The following N4BP1 variants were observed in gnomAD, a reference collection of about 807,000 sequenced individuals.
N4BP1 encodes the protein NEDD4 binding protein 1, also known as NEDD4-binding protein 1.
In N4BP1, 21 loss-of-function variants were observed where a neutral mutation model predicts 70.9. That is an observed-to-expected ratio of 0.30 (90% CI 0.21 to 0.43). N4BP1 has a LOEUF of 0.43. N4BP1 is among the 20% of genes least tolerant of loss of function. The probability of loss-of-function intolerance (pLI) is 1.00; values close to 1 mark genes in which losing one functional copy is unlikely to be tolerated. For synonymous variants in N4BP1, 387 were observed against 394.6 expected (o/e 0.98, Z 0.23); for missense variants, 936 against 1,069.4 (o/e 0.88, Z 1.74).
At chr16:48,599,585 C>T (rs1159871625) in intron 1 of N4BP1, among the ~76,000 whole-genome samples, 1 of 152,130 alleles carries the variant, frequency 6.6e-6, no homozygotes, top group East Asian at 1.9e-4. Flanking sequence ...CAGCTGGTTC[C>T]CTCACAAATG....
At chr16:48,572,428 G>A (rs951966765) in intron 1 of N4BP1, among the ~76,000 whole-genome samples, 1 of 152,142 alleles carries the variant, frequency 6.6e-6, no homozygotes, top group Non-Finnish European at 1.5e-5. Context: ...GATGATGGGG[G>A]AGGGGGGACA....
At chr16:48,557,553 A>G (rs1167072702) in intron 2 of N4BP1, among the ~76,000 whole-genome samples, 2 of 152,168 alleles carry the variant, frequency 1.3e-5, no homozygotes, top group East Asian at 1.9e-4. Context: ...AAAATCTCAA[A>G]TATTTGTTGC....
intron 3 of N4BP1, among the ~76,000 whole-genome samples, chr16:48,552,291 G>T (rs1272967143): frequency 4.6e-5 from 7 of 152,098 alleles, no homozygotes; most frequent in Non-Finnish European, 1.0e-4. Flanking sequence ...CTACATTTTA[G>T]AAAACCAGTA....
Position 48,600,383 on chromosome 16 carries a change from T to C in N4BP1, c.198+9392A>G, listed in dbSNP as rs779934224. The C allele has an allele frequency of 2.5e-4, 181 of 733,670 alleles. 2 individuals carry two copies. The highest frequency in any genetic ancestry group is 1.5e-3 in the Admixed American group (83 of 56,374). 45.4% of individuals were successfully genotyped at this position (733,670 alleles called of 1,614,324 possible). A position where few individuals can be genotyped will look rare whatever the true frequency, so the allele number is the denominator to read the frequency against. On this transcript the variant is annotated intron_variant, in intron 1 of 6. Transcript: ENST00000262384. ...ATAATTCATTTGAATATGAAAAACA[T>C]AGAAATGAAACCATCAAATACCAGT...
intron 1 of N4BP1, among the ~76,000 whole-genome samples, chr16:48,604,608 A>AAC (rs201223879): frequency 2.9e-4 from 42 of 145,998 alleles, no homozygotes; most frequent in South Asian, 6.2e-4. Context: ...AAGGTAAAAA[A>AAC]AAAAACAAAA....
At chr16:48,552,699 GAAAAAAAAAAAAAAAAAAAA>G (rs71134556) in intron 3 of N4BP1, among the ~76,000 whole-genome samples, 36 of 18,504 alleles carry the variant, frequency 1.9e-3, no homozygotes, top group South Asian at 6.6e-3. Context: ...CTCCGTCTCA[GAAAAAAAAAAAAAAAAAAAA>G]AAAAAAAAAA....
intron 1 of N4BP1, among the ~76,000 whole-genome samples, chr16:48,603,273 A>T (rs2151103256): frequency 6.6e-6 from 1 of 152,148 alleles, no homozygotes; most frequent in South Asian, 2.1e-4. Context: ...GGTGCACTGT[A>T]ACGTCAATGT....
At position 48,542,936 on chromosome 16, in the gene N4BP1, G is replaced by T. The variant is rs748840043; in HGVS notation, c.2659C>A (p.Leu887Ile). ...AACACCATGGCAGAAAGCGCATTTA[G>T]ATCTTTCATGTATGGGTGGGCCACC... ...ILVAHPYMKD[L>I]NALSAMVLD Residue 887 changes from leucine to isoleucine, a missense_variant, in exon 7 of 7, where the codon CTA becomes ATA. Around this residue, in one of 4 missense-constraint regions of N4BP1, gnomAD observed 229 missense variants for 343.5 expected, o/e 0.67. Coordinates refer to ENST00000262384, the MANE Select transcript of N4BP1 (RefSeq NM_153029.4). 6.2e-7 allele frequency: 1 copy of T among 1,612,212 alleles called. No individual in the cohort carries two copies. The highest frequency in any genetic ancestry group is 1.3e-5 in the African/African-American group (1 of 74,912).
intron 1 of N4BP1, among the ~76,000 whole-genome samples, chr16:48,599,289 G>A (rs1799538459): frequency 6.6e-6 from 1 of 152,078 alleles, no homozygotes; most frequent in Non-Finnish European, 1.5e-5. Context: ...CAAGTTAACT[G>A]CAACTGTTTT....
intron 1 of N4BP1, among the ~76,000 whole-genome samples, chr16:48,596,203 TA>T (rs1964412219): frequency 1.3e-5 from 2 of 152,240 alleles, no homozygotes; most frequent in Non-Finnish European, 1.5e-5. Context: ...GTTTTTATTT[TA>T]TTTTTTTTCC....
chr16:48,562,393 G>T lies in N4BP1; in HGVS notation c.250C>A (p.Pro84Thr). ...EPELEERECY[P>T]KDMHCIFVGA... Reference sequence around the variant, plus strand: ...ACAAAAATGCAGTGCATGTCCTTGGGGTAACATTCTCTTTCTTCTAGTTCA... The same window carrying T: ...ACAAAAATGCAGTGCATGTCCTTGGTGTAACATTCTCTTTCTTCTAGTTCA... The change falls in exon 2 of 7, where the codon CCC becomes ACC. Residue 84 changes from proline (P) to threonine (T), a missense_variant. Pro to Thr is a conservative substitution (Grantham distance 38). Around this residue, in one of 4 missense-constraint regions of N4BP1, gnomAD observed 187 missense variants for 217.1 expected, o/e 0.86. Coordinates refer to ENST00000262384, the MANE Select transcript of N4BP1 (RefSeq NM_153029.4). The T allele has an allele frequency of 6.2e-7, 1 of 1,613,066 alleles. No homozygotes were observed. Among genetic ancestry groups the T allele is most frequent in the Non-Finnish European group, 8.5e-7 (1 of 1,179,598 alleles).
intron 1 of N4BP1, among the ~76,000 whole-genome samples, chr16:48,566,215 T>TTATTA (rs773360776): frequency 1.3e-5 from 2 of 151,986 alleles, no homozygotes; most frequent in Non-Finnish European, 2.9e-5. Flanking sequence ...TTTCTTTCTT[T>TTATTA]TATTATTATT....
At chr16:48,549,738 A>C (rs1012320455) in intron 4 of N4BP1, among the ~76,000 whole-genome samples, 2 of 152,176 alleles carry the variant, frequency 1.3e-5, no homozygotes, top group African/African-American at 4.8e-5. Context: ...TTGGTGAATG[A>C]ATATATGTCT....
At chr16:48,567,022 C>T (rs112710115) in intron 1 of N4BP1, among the ~76,000 whole-genome samples, 172 of 152,194 alleles carry the variant, frequency 1.1e-3, no homozygotes, top group African/African-American at 3.1e-3. Flanking sequence ...ATTGACAATC[C>T]AGCTTTCTTT....
rs1432340534 is a variant in N4BP1, at chr16:48,539,268, G to A, written c.*3636C>T. 1 of 152,512 alleles carries A rather than the reference G, an allele frequency of 6.6e-6. No individual in the cohort carries two copies. The highest frequency in any genetic ancestry group is 1.5e-5 in the Non-Finnish European group (1 of 68,300). The allele number at this position is 152,512 out of a possible 1,614,324, so 9.4% of individuals were successfully genotyped here. ...ACACTGCAGCATCTGGACGGCAGAG[G>A]GCAGCGCTGGGAGGGGCCAGCCAGT... is the stretch of plus-strand genomic sequence containing the variant. On this transcript the variant is annotated 3_prime_UTR_variant, in exon 7 of 7. Coordinates refer to ENST00000262384, the MANE Select transcript of N4BP1 (RefSeq NM_153029.4).
chr16:48,544,461 C>A (rs901912213), intron 6 of N4BP1, among the ~76,000 whole-genome samples: 1 of 152,170 alleles, frequency 6.6e-6, no homozygotes, highest in Admixed American at 6.5e-5. Flanking sequence ...CCCCATCACA[C>A]CCCCATGCAA....
chr16:48,592,129 C>A (rs1355242814), intron 1 of N4BP1, among the ~76,000 whole-genome samples: 1 of 152,090 alleles, frequency 6.6e-6, no homozygotes, highest in Non-Finnish European at 1.5e-5. Flanking sequence ...GGGGGATGGG[C>A]TAATTACAAA....
intron 1 of N4BP1, among the ~76,000 whole-genome samples, chr16:48,608,268 G>C (rs1964615184): frequency 6.6e-6 from 1 of 152,116 alleles, no homozygotes; most frequent in Non-Finnish European, 1.5e-5. Flanking sequence ...CTCCCAAAGT[G>C]CTAGGATTAC....
At chr16:48,545,385 C>T (rs1488508546) in intron 6 of N4BP1, among the ~76,000 whole-genome samples, 1 of 147,958 alleles carries the variant, frequency 6.8e-6, no homozygotes. Flanking sequence ...GCCTGGCTAA[C>T]ATGGCAAAAT....
Sources: allele counts gnomAD v4.1 joint callset (sites outside exome capture counted in the v4.1 genomes callset), GRCh38; gene constraint gnomAD v4.1.1; regional missense constraint gnomAD v4.1.1; transcripts MANE v1.5; gene names NCBI Gene and HGNC (gene_info 2026-07-23, HGNC 2026-07-21).